Variants in OR10J1 observed in about 807,000 individuals in gnomAD.
OR10J1 encodes olfactory receptor 10J1.
For synonymous variants in OR10J1, 202 were observed against 143.8 expected (o/e 1.40, Z -2.89); for missense variants, 474 against 376.6 (o/e 1.26, Z -2.14).
chr1:159,439,688 C>T (rs961409806), upstream of OR10J1: 20 of 1,401,076 alleles, frequency 1.4e-5, no homozygotes, highest in Admixed American at 7.3e-5. Flanking sequence ...AGATTTGTAA[C>T]TGAGAACTAT....
the OR10J1 span, among the ~76,000 whole-genome samples, chr1:159,420,724 C>A: frequency 1.3e-5 from 2 of 151,726 alleles, no homozygotes; most frequent in South Asian, 4.2e-4. Context: ...ATACATCATA[C>A]TATTATCTCA....
At chr1:159,416,913 A>G in the OR10J1 span, among the ~76,000 whole-genome samples, 1 of 152,014 alleles carries the variant, frequency 6.6e-6, no homozygotes, top group Non-Finnish European at 1.5e-5. Flanking sequence ...ATTCTGTGGT[A>G]TCAGTTGTAA....
chr1:159,405,728 T>C, the OR10J1 span: 6 of 824,030 alleles, frequency 7.3e-6, no homozygotes, highest in East Asian at 1.4e-4. Context: ...TCATAGGAGA[T>C]AAAGATCAGG....
At chr1:159,416,373 G>A in the OR10J1 span, among the ~76,000 whole-genome samples, 1 of 151,460 alleles carries the variant, frequency 6.6e-6, no homozygotes, top group Non-Finnish European at 1.5e-5. Flanking sequence ...CTAGTTTCTT[G>A]AGACTTTTTT....
At position 159,440,351 on chromosome 1, in the gene OR10J1, C is replaced by G; in HGVS notation, c.560C>G (p.Ser187Cys). The change falls in exon 1 of 1, where the codon TCC becomes TGC. Residue 187 changes from serine (S) to cysteine (C), a missense_variant. Ser to Cys is a moderately radical substitution (Grantham distance 112). Coordinates refer to ENST00000423932, the MANE Select transcript of OR10J1 (RefSeq NM_012351.3). Reference protein sequence around the residue: ...FCDIRPVMKLSCIDTTVNEIL... With the variant: ...FCDIRPVMKLCCIDTTVNEIL... ...GACATCCGCCCTGTGATGAAGCTCT[C>G]CTGCATTGACACCACTGTCAATGAA... 6.2e-7 allele frequency: 1 copy of G among 1,614,160 alleles called. No homozygotes were observed. The highest frequency in any genetic ancestry group is 8.5e-7 in the Non-Finnish European group (1 of 1,180,032).
chr1:159,432,202 C>T, the OR10J1 span: 8,113 of 400,794 alleles, frequency 0.02, 102 homozygotes, highest in Middle Eastern at 0.035. Flanking sequence ...AGATTCTCCT[C>T]AATGCCAAGG....
At chr1:159,404,750 C>T in the OR10J1 span, among the ~76,000 whole-genome samples, 4 of 152,116 alleles carry the variant, frequency 2.6e-5, no homozygotes, top group Non-Finnish European at 5.9e-5. Context: ...CCTATCACTA[C>T]AACTGTCTAG....
the OR10J1 span, among the ~76,000 whole-genome samples, chr1:159,417,031 A>T: frequency 2.0e-5 from 3 of 151,382 alleles, no homozygotes; most frequent in South Asian, 6.3e-4. Context: ...AAAACATTTC[A>T]TTTCATTGAT....
chr1:159,407,838 T>C, the OR10J1 span, among the ~76,000 whole-genome samples: 1 of 152,168 alleles, frequency 6.6e-6, no homozygotes, highest in East Asian at 1.9e-4. Flanking sequence ...CATTTTAGTT[T>C]CTTGTTAATT....
upstream of OR10J1, chr1:159,433,177 T>A: frequency 2.5e-6 from 1 of 398,644 alleles, no homozygotes; most frequent in Non-Finnish European, 4.4e-6. Context: ...AAAAAGAGTT[T>A]GATGAGGTGT....
At chr1:159,430,732 G>T in the OR10J1 span, among the ~76,000 whole-genome samples, 1 of 151,676 alleles carries the variant, frequency 6.6e-6, no homozygotes, top group Non-Finnish European at 1.5e-5. Context: ...GGGGGGTGGG[G>T]ATGGGAAGGA....
At chr1:159,436,665 G>GT (rs1415068254), upstream of OR10J1, among the ~76,000 whole-genome samples, 1 of 146,412 alleles carries the variant, frequency 6.8e-6, no homozygotes, top group Admixed American at 6.9e-5. Context: ...ATGGTTAGCG[G>GT]TTTTAAAAAA....
the OR10J1 span, among the ~76,000 whole-genome samples, chr1:159,429,021 G>T: frequency 6.6e-6 from 1 of 152,326 alleles, no homozygotes; most frequent in Non-Finnish European, 1.5e-5. Context: ...CCTTCAGAAA[G>T]GCCCATCTTG....
At chr1:159,433,144 G>A, upstream of OR10J1, 1 of 409,250 alleles carries the variant, frequency 2.4e-6, no homozygotes, top group Non-Finnish European at 4.3e-6. Flanking sequence ...CTTAGGTGCT[G>A]GTCAGTTCAA....
At chr1:159,420,425 T>C in the OR10J1 span, among the ~76,000 whole-genome samples, 1 of 152,186 alleles carries the variant, frequency 6.6e-6, no homozygotes, top group Non-Finnish European at 1.5e-5. Flanking sequence ...TTGTTTATTA[T>C]TGTGGTTTGC....
chr1:159,431,811 C>A, the OR10J1 span, among the ~76,000 whole-genome samples: 1 of 152,098 alleles, frequency 6.6e-6, no homozygotes, highest in African/African-American at 2.4e-5. Context: ...TAGGCTAATG[C>A]AAGTGTTCTG....
chr1:159,435,989 G>C (rs1655726811), upstream of OR10J1, among the ~76,000 whole-genome samples: 1 of 152,150 alleles, frequency 6.6e-6, no homozygotes, highest in Middle Eastern at 3.2e-3. Context: ...ACTGACTTCG[G>C]AGGGTTATTT....
At chr1:159,416,968 C>A in the OR10J1 span, among the ~76,000 whole-genome samples, 12 of 151,872 alleles carry the variant, frequency 7.9e-5, no homozygotes, top group Non-Finnish European at 1.2e-4. Flanking sequence ...GGTCTTCTCT[C>A]TTTTTCTCTT....
At chr1:159,398,148 A>G in the OR10J1 span, among the ~76,000 whole-genome samples, 1 of 152,216 alleles carries the variant, frequency 6.6e-6, no homozygotes, top group Non-Finnish European at 1.5e-5. Context: ...AAGACCATCA[A>G]GGCAATACCA....
Sources: gnomAD v4.1 joint callset for allele counts (sites outside exome capture counted in the v4.1 genomes callset) on GRCh38, gnomAD v4.1.1 for gene constraint, MANE v1.5 for transcripts, NCBI Gene and HGNC (gene_info 2026-07-23, HGNC 2026-07-21) for gene names.